The following ACO2 variants were observed in gnomAD, a reference collection of about 807,000 sequenced individuals.
ACO2 encodes aconitate hydratase, mitochondrial.
ACO2 carries 31 observed loss-of-function variants against 84.5 expected under a neutral mutation model. The observed-to-expected ratio is 0.37, with a 90% CI of 0.28 to 0.50. The LOEUF is 0.50. Among genes scored for constraint, ACO2 ranks in the 20% least tolerant of loss-of-function variants. The pLI is 0.97. For synonymous variants in ACO2, 414 were observed against 412.7 expected (o/e 1.00, Z -0.04); for missense variants, 685 against 1,029.3 (o/e 0.67, Z 4.58).
At chr22:41,484,870 T>C (rs953721083) in intron 1 of ACO2, among the ~76,000 whole-genome samples, 1 of 148,700 alleles carries the variant, frequency 6.7e-6, no homozygotes, top group Admixed American at 6.7e-5. Flanking sequence ...TGGAGTCAGC[T>C]CTTTTTTTTT....
chr22:41,499,834 G>A lies in ACO2; in HGVS notation c.145G>A (p.Glu49Lys). The A allele has an allele frequency of 1.9e-6, 3 of 1,614,170 alleles. No homozygotes were observed. Among genetic ancestry groups the A allele is most frequent in the Non-Finnish European group, 2.5e-6 (3 of 1,180,030 alleles). ...CGAGTACATCCATTATGACCTGCTA[G>A]AGAAGAACATTAACATTGTTCGCAA... ...PNEYIHYDLL[E>K]KNINIVRKRL... Residue 49 changes from glutamate to lysine, a missense_variant, in exon 2 of 18, where the codon GAG (glutamate) becomes AAG (lysine). Around this residue, in one of 5 missense-constraint regions of ACO2, gnomAD observed 98 missense variants for 107.6 expected, o/e 0.91. Transcript: ENST00000216254.
chr22:41,483,440 T>G (rs1243808862), intron 1 of ACO2, among the ~76,000 whole-genome samples: 1 of 151,986 alleles, frequency 6.6e-6, no homozygotes, highest in Non-Finnish European at 1.5e-5. Context: ...GCGGATCACT[T>G]GAGGTCAGGA....
In ACO2 at chr22:41,515,618, G is replaced by A. The variant is rs1007831000; in HGVS notation, c.684+83G>A. The stretch of plus-strand genomic sequence containing the variant: ...GAACGGGAGACGGTGGGACCCAGGA[G>A]GGAAAAGGGAACAAGTTAGACTCGA... On this transcript the variant is annotated intron_variant, in intron 5 of 17. Coordinates refer to ENST00000216254, the MANE Select transcript of ACO2 (RefSeq NM_001098.3). This position sits in a 1 kb window ranked among gnomAD's most constrained non-coding sequence, Gnocchi z 5.8. 2 of 1,573,968 alleles carry A rather than the reference G, an allele frequency of 1.3e-6. No individual in the cohort carries two copies. The highest frequency in any genetic ancestry group is 1.7e-6 in the Non-Finnish European group (2 of 1,157,978).
intron 1 of ACO2, among the ~76,000 whole-genome samples, chr22:41,485,646 T>G (rs1204221384): frequency 6.6e-6 from 1 of 151,950 alleles, no homozygotes; most frequent in Non-Finnish European, 1.5e-5. Flanking sequence ...GGTTTCACTG[T>G]GTTAGCCAGG....
rs573719071 is a variant in ACO2, at chr22:41,486,347, G to A, written c.37-13379G>A. On this transcript the variant is annotated intron_variant, in intron 1 of 17. Transcript: ENST00000216254. ...CTCGCTCTGTCACCCAGGCTGGAGT[G>A]CAGTGGTGTAATCTTGGCTCACTGC... Among the ~76,000 whole-genome samples, 426 of 152,120 alleles carry A rather than the reference G, an allele frequency of 2.8e-3. 2 individuals carry two copies. Among genetic ancestry groups the A allele is most frequent in the African/African-American group, 9.9e-3 (411 of 41,512 alleles).
chr22:41,471,770 CTG>C (rs1348945739), intron 1 of ACO2, among the ~76,000 whole-genome samples: 2 of 152,184 alleles, frequency 1.3e-5, no homozygotes, highest in East Asian at 3.8e-4. Context: ...TCACATGACT[CTG>C]TGAGATGAGG....
intron 1 of ACO2, among the ~76,000 whole-genome samples, chr22:41,478,741 G>T (rs934509812): frequency 1.3e-5 from 2 of 150,034 alleles, no homozygotes; most frequent in Non-Finnish European, 3.0e-5. Flanking sequence ...TAAAACCCCC[G>T]CCCTGTCCCT....
chr22:41,471,842 A>G (rs1390513532), intron 1 of ACO2, among the ~76,000 whole-genome samples: 1 of 152,212 alleles, frequency 6.6e-6, no homozygotes, highest in African/African-American at 2.4e-5. Context: ...ACATAGTGTT[A>G]TGGTTGAGAG....
In ACO2 at chr22:41,528,463, C is replaced by T; in HGVS notation, c.2209-16C>T. The stretch of plus-strand genomic sequence containing the variant: ...AGTACCCACCACTTCCACCCACACC[C>T]ACCTTCTCCTTGCAGCCCCTGAAGT... On this transcript the variant is annotated splice_polypyrimidine_tract_variant and intron_variant, in intron 17 of 17. Coordinates refer to ENST00000216254, the MANE Select transcript of ACO2 (RefSeq NM_001098.3). 3 of 1,611,286 alleles carry T rather than the reference C, an allele frequency of 1.9e-6. No individual in the cohort carries two copies. The highest frequency in any genetic ancestry group is 1.1e-5 in the South Asian group (1 of 90,898).
At chr22:41,521,139 T>G (rs576126454) in intron 9 of ACO2, among the ~76,000 whole-genome samples, 87 of 152,006 alleles carry the variant, frequency 5.7e-4, no homozygotes, top group Admixed American at 1.2e-3. Flanking sequence ...TCAAGAAGAA[T>G]TTTTAAAACT....
intron 1 of ACO2, among the ~76,000 whole-genome samples, chr22:41,499,161 C>T (rs868323183): frequency 6.6e-5 from 10 of 151,966 alleles, no homozygotes; most frequent in African/African-American, 1.9e-4. Context: ...CCAAAGCTCA[C>T]GCACAGGGTT....
chr22:41,477,216 C>T (rs191577388), intron 1 of ACO2, among the ~76,000 whole-genome samples: 4 of 151,332 alleles, frequency 2.6e-5, no homozygotes, highest in African/African-American at 7.3e-5. Context: ...TGCAGTGGCG[C>T]GATCTCCACT....
chr22:41,489,867 G>T (rs1364807136), intron 1 of ACO2, among the ~76,000 whole-genome samples: 1 of 151,536 alleles, frequency 6.6e-6, no homozygotes, highest in Non-Finnish European at 1.5e-5. Flanking sequence ...TGAAACAAAG[G>T]GTTTGCACAT....
At chr22:41,509,754 G>T (rs892426043) in intron 3 of ACO2, among the ~76,000 whole-genome samples, 2 of 151,732 alleles carry the variant, frequency 1.3e-5, no homozygotes, top group African/African-American at 4.8e-5. Flanking sequence ...GAGGGCTGTG[G>T]GAACGCTATG....
At chr22:41,512,086 A>G in intron 4 of ACO2, 118 bp downstream of exon 4, 2 of 637,832 alleles carry the variant, frequency 3.1e-6, no homozygotes, top group Non-Finnish European at 5.2e-6. Flanking sequence ...TGACATATCC[A>G]TCAGCTCTTA....
chr22:41,526,378 C>T lies in ACO2; in HGVS notation c.1878C>T (p.Asn626=), dbSNP rs772649912. Residue 626 remains asparagine (N), a synonymous_variant, in exon 15 of 18, where the codon AAC becomes AAT. Transcript: ENST00000216254. ...TCATTGGTGCCATCAACATTGAAAA[C>T]GGCAAGGCCAACTCCGTGCGCAATG... ...NLLIGAINIE[N]GKANSVRNAV... 1.7e-5 allele frequency: 27 copies of T among 1,613,738 alleles called. No individual in the cohort carries two copies. Among genetic ancestry groups the T allele is most frequent in the Admixed American group, 6.7e-5 (4 of 60,016 alleles).
At chr22:41,486,122 T>G (rs1373638777) in intron 1 of ACO2, among the ~76,000 whole-genome samples, 1 of 152,130 alleles carries the variant, frequency 6.6e-6, no homozygotes, top group Admixed American at 6.6e-5. Context: ...GTGTGTGTCC[T>G]TCTTTCAAAG....
In ACO2 at chr22:41,528,548, G is replaced by A. The variant is rs115203053; in HGVS notation, c.2278G>A (p.Glu760Lys). Residue 760 changes from glutamate to lysine, a missense_variant, in exon 18 of 18, where the codon GAG becomes AAG. Physicochemically the swap from Glu to Lys is moderately conservative, Grantham distance 56. This residue lies in a region of ACO2 where 174 missense variants were observed against 236.6 expected (regional missense o/e 0.74). Transcript: ENST00000216254. Reference sequence around the variant, plus strand: ...CATCCTCCTGAACCACACCTTCAACGAGACGCAGATTGAGTGGTTCCGCGC... The same window carrying A: ...CATCCTCCTGAACCACACCTTCAACAAGACGCAGATTGAGTGGTTCCGCGC... Reference protein sequence around the residue: ...ETILLNHTFNETQIEWFRAGS... With the variant: ...ETILLNHTFNKTQIEWFRAGS... 2.0e-4 allele frequency: 324 copies of A among 1,613,182 alleles called. No individual in the cohort carries two copies. The African/African-American group carries it at 3.1e-3, about 15-fold the overall frequency.
rs1270413584 is a variant in ACO2 at position 41,527,937 on chromosome 22, C to T, written c.2123C>T (p.Thr708Ile). Reference protein sequence around the residue: ...NLKKQGLLPLTFADPADYNKI... With the variant: ...NLKKQGLLPLIFADPADYNKI... ...AAGAAACAGGGCCTGCTGCCTCTGA[C>T]CTTCGCTGACCCGGCTGACTACAAC... Residue 708 changes from threonine to isoleucine, a missense_variant, in exon 17 of 18, where the codon ACC (threonine) becomes ATC (isoleucine). Transcript: ENST00000216254. 3.7e-6 allele frequency: 6 copies of T among 1,614,200 alleles called. No homozygotes were observed. The highest frequency in any genetic ancestry group is 1.3e-5 in the African/African-American group (1 of 75,060).
Sources: allele counts gnomAD v4.1 joint callset (sites outside exome capture counted in the v4.1 genomes callset), GRCh38; gene constraint gnomAD v4.1.1; regional missense constraint gnomAD v4.1.1; non-coding constraint Gnocchi (gnomAD v3.1); transcripts MANE v1.5; gene names NCBI Gene and HGNC (gene_info 2026-07-23, HGNC 2026-07-21).